Variants in PXDNL observed in about 807,000 individuals in gnomAD.
PXDNL encodes the protein probable oxidoreductase PXDNL.
Under a neutral mutation model 150.8 loss-of-function variants are expected in PXDNL, and 145 were observed. The ratio of observed to expected loss-of-function variants is 0.96; its 90% CI spans 0.84 to 1.10. The LOEUF is 1.10. Ranked by LOEUF, PXDNL falls within the 50% of genes least tolerant of loss-of-function variation. PXDNL has a pLI of 0.00. For synonymous variants in PXDNL, 757 were observed against 725.7 expected (o/e 1.04, Z -0.69); for missense variants, 2,087 against 1,873.9 (o/e 1.11, Z -2.10).
intron 1 of PXDNL, among the ~76,000 whole-genome samples, chr8:51,762,406 G>C (rs1235617104): frequency 6.6e-6 from 1 of 152,032 alleles, no homozygotes; most frequent in Non-Finnish European, 1.5e-5. Context: ...AATCAACTAA[G>C]AGCCAGGCAA....
rs1809966042 is a variant in PXDNL at position 51,457,642 on chromosome 8, T to C, written c.838A>G (p.Thr280Ala). Residue 280 changes from threonine (T) to alanine (A), a missense_variant, in exon 9 of 23, where the codon ACT (threonine) becomes GCT (alanine). Thr to Ala is a moderately conservative substitution (Grantham distance 58, BLOSUM62 0). Coordinates refer to ENST00000356297, the MANE Select transcript of PXDNL (RefSeq NM_144651.5). ...CCATCATCAAACACATTAAGTCGAG[T>C]ATCATCTTCCAAATCCAATGAGTGG... The part of the protein sequence containing the change: ...NNHSLDLEDD[T>A]RLNVFDDGTL... 15 of 1,613,528 alleles carry C rather than the reference T, an allele frequency of 9.3e-6. No homozygotes were observed. Among genetic ancestry groups the C allele is most frequent in the Non-Finnish European group, 1.3e-5 (15 of 1,179,712 alleles).
chr8:51,806,946 A>G (rs1340307117), intron 1 of PXDNL, among the ~76,000 whole-genome samples: 1 of 152,176 alleles, frequency 6.6e-6, no homozygotes, highest in Non-Finnish European at 1.5e-5. Context: ...AGGTTCCCAG[A>G]GATATTTAGG....
At chr8:51,577,606 A>ATATATG (rs543052856) in intron 3 of PXDNL, among the ~76,000 whole-genome samples, 23 of 147,596 alleles carry the variant, frequency 1.6e-4, no homozygotes, top group African/African-American at 5.4e-4. Flanking sequence ...ATATATATAT[A>ATATATG]TATAATCAGG....
chr8:51,653,190 C>T (rs903534156), intron 2 of PXDNL, among the ~76,000 whole-genome samples: 4 of 151,986 alleles, frequency 2.6e-5, no homozygotes, highest in Non-Finnish European at 5.9e-5. Flanking sequence ...GAGGCCGAGG[C>T]GGATGGATCA....
intron 2 of PXDNL, among the ~76,000 whole-genome samples, chr8:51,609,363 C>T (rs189578705): frequency 1.3e-5 from 2 of 152,266 alleles, no homozygotes; most frequent in Admixed American, 6.5e-5. Flanking sequence ...TAATGGACTA[C>T]CTGGAAATAT....
At chr8:51,502,650 T>C (rs148840588) in intron 4 of PXDNL, among the ~76,000 whole-genome samples, 571 of 148,178 alleles carry the variant, frequency 3.9e-3, no homozygotes, top group Non-Finnish European at 6.4e-3. Flanking sequence ...AGCTTATGTA[T>C]AAGCCCAGTA....
At position 51,371,981 on chromosome 8, in the gene PXDNL, G is replaced by A; in HGVS notation, c.3793C>T (p.Gln1265Ter). ...RVLCDNGDSI[Q>*]QVQADVFVKA... ...ACAAAGACATCAGCCTGCACTTGCT[G>A]AATGCTGTCACCATTGTCACAAAGC... is the stretch of plus-strand genomic sequence containing the variant. Residue 1265 changes from glutamine (Q) to a stop codon, truncating the protein, a stop_gained, in exon 19 of 23, where the codon CAG becomes TAG. Coordinates refer to ENST00000356297, the MANE Select transcript of PXDNL (RefSeq NM_144651.5). LOFTEE classifies it high-confidence loss of function. 1 of 1,613,738 alleles carries A rather than the reference G, an allele frequency of 6.2e-7. No individual in the cohort carries two copies. The highest frequency in any genetic ancestry group is 1.1e-5 in the South Asian group (1 of 91,018).
intron 3 of PXDNL, among the ~76,000 whole-genome samples, chr8:51,587,690 T>G (rs1267900342): frequency 6.6e-6 from 1 of 152,198 alleles, no homozygotes; most frequent in Non-Finnish European, 1.5e-5. Context: ...ATACACATGT[T>G]GTTGAAACAA....
intron 19 of PXDNL, among the ~76,000 whole-genome samples, chr8:51,369,306 C>T (rs1393727041): frequency 2.6e-5 from 4 of 152,178 alleles, no homozygotes; most frequent in Admixed American, 2.6e-4. Flanking sequence ...GAGCCACAGT[C>T]TAGAAACTAG....
intron 12 of PXDNL, among the ~76,000 whole-genome samples, chr8:51,436,822 T>C (rs533898430): frequency 7.8e-4 from 119 of 151,598 alleles, no homozygotes; most frequent in African/African-American, 2.6e-3. Flanking sequence ...ACAAACCAAA[T>C]ATAAACCCAG....
chr8:51,661,041 G>A (rs1419613282), intron 1 of PXDNL, among the ~76,000 whole-genome samples: 1 of 152,144 alleles, frequency 6.6e-6, no homozygotes, highest in Non-Finnish European at 1.5e-5. Context: ...GAATCAAGGA[G>A]ATTTTTCCAC....
intron 4 of PXDNL, among the ~76,000 whole-genome samples, chr8:51,550,786 T>C (rs1309074631): frequency 6.6e-6 from 1 of 152,100 alleles, no homozygotes; most frequent in Non-Finnish European, 1.5e-5. Context: ...TCACCACTTT[T>C]ATTCAGCATA....
chr8:51,393,069 G>A (rs1485921736), intron 17 of PXDNL, among the ~76,000 whole-genome samples: 1 of 152,172 alleles, frequency 6.6e-6, no homozygotes, highest in Non-Finnish European at 1.5e-5. Context: ...TCATTCTGAA[G>A]TATACATTTT....
At chr8:51,341,226 G>T (rs1397353469) in intron 20 of PXDNL, among the ~76,000 whole-genome samples, 1 of 152,098 alleles carries the variant, frequency 6.6e-6, no homozygotes, top group African/African-American at 2.4e-5. Context: ...ACAAATAAGA[G>T]GTATAACCTT....
At chr8:51,769,176 C>A (rs2037263849) in intron 1 of PXDNL, among the ~76,000 whole-genome samples, 1 of 152,230 alleles carries the variant, frequency 6.6e-6, no homozygotes, top group African/African-American at 2.4e-5. Flanking sequence ...ATATCAAAGT[C>A]ATTCCACCAT....
chr8:51,458,182 C>T (rs1809978127), intron 8 of PXDNL, among the ~76,000 whole-genome samples: 1 of 152,118 alleles, frequency 6.6e-6, no homozygotes, highest in Non-Finnish European at 1.5e-5. Context: ...CCTAACCTAC[C>T]AAGTTGTTGA....
chr8:51,737,531 C>T (rs1327073121), intron 1 of PXDNL, among the ~76,000 whole-genome samples: 1 of 152,212 alleles, frequency 6.6e-6, no homozygotes, highest in Non-Finnish European at 1.5e-5. Flanking sequence ...GCCAAGCACT[C>T]CCCTTTCTCC....
intron 5 of PXDNL, among the ~76,000 whole-genome samples, chr8:51,498,849 G>A (rs762212569): frequency 2.6e-5 from 4 of 152,130 alleles, no homozygotes; most frequent in Admixed American, 6.5e-5. Flanking sequence ...AAGTTTCAGC[G>A]TTTAGATTAT....
chr8:51,536,777 C>T (rs962337920), intron 4 of PXDNL, among the ~76,000 whole-genome samples: 1 of 152,050 alleles, frequency 6.6e-6, no homozygotes, highest in Non-Finnish European at 1.5e-5. Context: ...AGGTCTGGTC[C>T]CCAACAGTTT....
Sources: allele counts gnomAD v4.1 joint callset (sites outside exome capture counted in the v4.1 genomes callset), GRCh38; gene constraint gnomAD v4.1.1; transcripts MANE v1.5; gene names NCBI Gene and HGNC (gene_info 2026-07-23, HGNC 2026-07-21).